The following NKAIN3 variants were observed in gnomAD, a reference collection of about 807,000 sequenced individuals.
NKAIN3 encodes the protein sodium/potassium transporting ATPase interacting 3, also known as sodium/potassium-transporting ATPase subunit beta-1-interacting protein 3.
A neutral mutation model predicts 30.2 loss-of-function variants in NKAIN3; 25 were observed. The ratio of observed to expected loss-of-function variants is 0.83; its 90% CI spans 0.60 to 1.16. The LOEUF is 1.16. NKAIN3 is among the 50% of genes most tolerant of loss of function. The pLI, the probability that NKAIN3 is intolerant of heterozygous loss-of-function variation, is 0.00. For synonymous variants in NKAIN3, 91 were observed against 89.6 expected, an observed-to-expected ratio of 1.02 and a Z score of -0.09; for missense variants, 225 against 254.1, an observed-to-expected ratio of 0.89 and a Z score of 0.78.
downstream of NKAIN3, among the ~76,000 whole-genome samples, chr8:62,988,280 G>T (rs192848177): frequency 7.4e-4 from 113 of 152,324 alleles, 1 homozygote; most frequent in African/African-American, 2.6e-3. Flanking sequence ...TCTGAAGGAT[G>T]GTGACCCTCT....
At position 62,391,035 on chromosome 8, in the gene NKAIN3, G is replaced by A. The variant is rs978008323; in HGVS notation, c.54+141908G>A. Among the ~76,000 whole-genome samples the A allele has an allele frequency of 2.6e-4, 40 of 151,956 alleles. 1 individual carries two copies. Among genetic ancestry groups the A allele is most frequent in the East Asian group, 3.9e-4 (2 of 5,186 alleles). On this transcript the variant is annotated intron_variant, in intron 1 of 6. Transcript: ENST00000623646. The stretch of plus-strand genomic sequence containing the variant: ...ATAGTTCTCTTTGCTGTGCAGAAGC[G>A]CTTTGGTTTAATTAGATCCTGTTTG...
chr8:62,809,325 A>G (rs1242251336), intron 4 of NKAIN3, among the ~76,000 whole-genome samples: 1 of 152,236 alleles, frequency 6.6e-6, no homozygotes, highest in Non-Finnish European at 1.5e-5. Context: ...ATTAAAGTAA[A>G]GACAGGCATA....
In NKAIN3 at chr8:62,966,088, C is replaced by G; in HGVS notation, c.*681C>G. The G allele has an allele frequency of 1.0e-6, 1 of 983,020 alleles. No homozygotes were observed. Among genetic ancestry groups the G allele is most frequent in the Non-Finnish European group, 1.2e-6 (1 of 827,816 alleles). 60.9% of individuals were successfully genotyped at this position (983,020 alleles called of 1,614,324 possible). On this transcript the variant is annotated 3_prime_UTR_variant, in exon 7 of 7. Transcript: ENST00000623646. ...AAGAGTAAAAGGATTAGTAGAACCC[C>G]TTTCCCCTTTGGAGGGAATATGGGT...
intron 4 of NKAIN3, among the ~76,000 whole-genome samples, chr8:62,913,797 A>G (rs1821995926): frequency 6.6e-6 from 1 of 152,206 alleles, no homozygotes; most frequent in Non-Finnish European, 1.5e-5. Context: ...GATCTAATCA[A>G]AGTGAAAAGA....
chr8:62,947,686 C>T (rs1050461275), intron 5 of NKAIN3, among the ~76,000 whole-genome samples: 2 of 152,158 alleles, frequency 1.3e-5, no homozygotes, highest in Non-Finnish European at 2.9e-5. Context: ...TTCTGCCTGG[C>T]TATATTTGGT....
chr8:62,781,987 T>C (rs1817367497), intron 4 of NKAIN3, among the ~76,000 whole-genome samples: 1 of 151,950 alleles, frequency 6.6e-6, no homozygotes, highest in Admixed American at 6.6e-5. Flanking sequence ...AAGCAATTAA[T>C]TGAGTGAAAA....
At chr8:62,772,192 T>C (rs1323640188) in intron 4 of NKAIN3, among the ~76,000 whole-genome samples, 2 of 152,210 alleles carry the variant, frequency 1.3e-5, no homozygotes, top group African/African-American at 4.8e-5. Flanking sequence ...CTTGTTTCAC[T>C]TAACATGATG....
intron 1 of NKAIN3, among the ~76,000 whole-genome samples, chr8:62,551,816 G>T (rs1162138159): frequency 2.0e-5 from 3 of 152,186 alleles, no homozygotes; most frequent in African/African-American, 7.2e-5. Context: ...CTTCATATCA[G>T]AGATATTTCT....
intron 1 of NKAIN3, among the ~76,000 whole-genome samples, chr8:62,498,090 G>A (rs940656181): frequency 1.3e-5 from 2 of 152,034 alleles, no homozygotes; most frequent in Admixed American, 6.6e-5. Flanking sequence ...TGAGGAAGAC[G>A]GTAATCGTCA....
chr8:62,684,984 G>T (rs1288214589), intron 3 of NKAIN3, among the ~76,000 whole-genome samples: 2 of 152,130 alleles, frequency 1.3e-5, no homozygotes. Flanking sequence ...TGAGTCTGTG[G>T]TATTTGTTAT....
At chr8:62,631,314 A>G (rs1332732684) in intron 3 of NKAIN3, among the ~76,000 whole-genome samples, 5 of 152,072 alleles carry the variant, frequency 3.3e-5, no homozygotes, top group African/African-American at 1.2e-4. Flanking sequence ...TTAACCTTGC[A>G]ATCCCCTCTC....
intron 4 of NKAIN3, among the ~76,000 whole-genome samples, chr8:62,785,415 G>A (rs1013211657): frequency 2.6e-5 from 4 of 152,098 alleles, no homozygotes; most frequent in African/African-American, 9.7e-5. Flanking sequence ...CTTACACTGG[G>A]GATGGGGTGG....
chr8:62,809,533 C>T (rs937668508), intron 4 of NKAIN3, among the ~76,000 whole-genome samples: 25 of 152,224 alleles, frequency 1.6e-4, no homozygotes, highest in Admixed American at 1.1e-3. Context: ...CTTCCCTCAA[C>T]AATTCCCAAA....
chr8:62,480,072 A>C (rs556356416), intron 1 of NKAIN3, among the ~76,000 whole-genome samples: 1 of 152,186 alleles, frequency 6.6e-6, no homozygotes, highest in African/African-American at 2.4e-5. Context: ...CAGTCACTGC[A>C]TAGCCACTAT....
rs869256384 is a variant in NKAIN3, at chr8:62,560,531, C to CTTTTTTTTTTTTTTT, written c.55-18997_55-18983dup. ...CAGTTCACTGAATCTTTTTTCTTTT[C>CTTTTTTTTTTTTTTT]TTTTTTTTTTTTTTTTTTTTTTTTT... is the stretch of plus-strand genomic sequence containing the variant. On this transcript the variant is annotated intron_variant, in intron 1 of 6. Coordinates refer to ENST00000623646, the MANE Select transcript of NKAIN3 (RefSeq NM_001304533.3). Among the ~76,000 whole-genome samples the CTTTTTTTTTTTTTTT allele has an allele frequency of 3.5e-4, 16 of 45,362 alleles. 1 individual carries two copies. Among genetic ancestry groups the CTTTTTTTTTTTTTTT allele is most frequent in the Non-Finnish European group, 5.2e-4 (14 of 27,026 alleles). 29.8% of individuals were successfully genotyped at this position (45,362 alleles called of 152,430 possible). A position where few individuals can be genotyped will look rare whatever the true frequency, so the allele number is the denominator to read the frequency against.
chr8:62,485,538 G>A (rs760000231), intron 1 of NKAIN3, among the ~76,000 whole-genome samples: 4 of 152,158 alleles, frequency 2.6e-5, no homozygotes, highest in Non-Finnish European at 5.9e-5. Flanking sequence ...TCTGGGGTCA[G>A]CTTTATGCGG....
intron 3 of NKAIN3, among the ~76,000 whole-genome samples, chr8:62,656,495 G>GA (rs1324822593): frequency 4.0e-5 from 6 of 151,550 alleles, no homozygotes; most frequent in African/African-American, 1.2e-4. Flanking sequence ...AAGAAAGAAA[G>GA]AAAAAAAGGA....
At chr8:62,908,153 G>A (rs776459008) in intron 4 of NKAIN3, among the ~76,000 whole-genome samples, 27 of 152,044 alleles carry the variant, frequency 1.8e-4, no homozygotes, top group African/African-American at 3.9e-4. Context: ...TCATTTTGGC[G>A]CTTACTGCCC....
chr8:62,616,324 T>C (rs1811452969), intron 3 of NKAIN3, among the ~76,000 whole-genome samples: 1 of 152,080 alleles, frequency 6.6e-6, no homozygotes, highest in Non-Finnish European at 1.5e-5. Flanking sequence ...CACACTTCTG[T>C]CCAGCCAACT....
Sources: allele counts gnomAD v4.1 joint callset (sites outside exome capture counted in the v4.1 genomes callset), GRCh38; gene constraint gnomAD v4.1.1; transcripts MANE v1.5; gene names NCBI Gene and HGNC (gene_info 2026-07-23, HGNC 2026-07-21).